The following EXOC4 variants were observed in gnomAD, a reference collection of about 807,000 sequenced individuals.
EXOC4 encodes the protein exocyst complex component 4, also known as SEC8-like 1.
Under a neutral mutation model 107.2 loss-of-function variants are expected in EXOC4, and 71 were observed. That is an observed-to-expected ratio of 0.66 (90% CI 0.55 to 0.81). The LOEUF (loss-of-function observed/expected upper bound fraction) is 0.81, where lower values mean the gene tolerates loss of function less well. Ranked by LOEUF, EXOC4 falls within the 30% of genes least tolerant of loss-of-function variation. The pLI is 0.00. For missense variants in EXOC4, 1,108 were observed against 1,189.6 expected, an observed-to-expected ratio of 0.93 and a Z score of 1.01; for synonymous variants, 456 against 441.2, an observed-to-expected ratio of 1.03 and a Z score of -0.42.
At chr7:134,047,727 GC>G (rs1563103848) in intron 17 of EXOC4, among the ~76,000 whole-genome samples, 1 of 152,118 alleles carries the variant, frequency 6.6e-6, no homozygotes, top group Non-Finnish European at 1.5e-5. Context: ...TTATTTATCT[GC>G]CAAATTAAGG....
At chr7:133,780,129 C>CA (rs1320608649) in intron 10 of EXOC4, among the ~76,000 whole-genome samples, 2 of 151,886 alleles carry the variant, frequency 1.3e-5, no homozygotes, top group Admixed American at 6.6e-5. Context: ...GTCATATTAT[C>CA]AAAAAACTAG....
chr7:133,873,596 C>T (rs1486063478), intron 11 of EXOC4, among the ~76,000 whole-genome samples: 1 of 152,136 alleles, frequency 6.6e-6, no homozygotes, highest in Admixed American at 6.5e-5. Context: ...GTTAAAACGT[C>T]GCCATTATTT....
At chr7:133,761,188 C>A (rs1159441233) in intron 10 of EXOC4, among the ~76,000 whole-genome samples, 1 of 152,048 alleles carries the variant, frequency 6.6e-6, no homozygotes, top group Non-Finnish European at 1.5e-5. Flanking sequence ...AAATTTTGAA[C>A]AAAGCATTGT....
chr7:133,457,848 A>C (rs367661083), intron 7 of EXOC4, among the ~76,000 whole-genome samples: 9 of 152,246 alleles, frequency 5.9e-5, no homozygotes, highest in African/African-American at 2.2e-4. Context: ...TCTGTGGCCA[A>C]ATTTAATCAT....
At chr7:133,855,161 A>ATTT in intron 11 of EXOC4, among the ~76,000 whole-genome samples, 1 of 135,116 alleles carries the variant, frequency 7.4e-6, no homozygotes, top group Admixed American at 7.6e-5. Flanking sequence ...ATATAAATAT[A>ATTT]TATATTTTTT....
At chr7:133,266,210 G>T (rs1335037894) in intron 1 of EXOC4, among the ~76,000 whole-genome samples, 4 of 152,122 alleles carry the variant, frequency 2.6e-5, no homozygotes, top group Non-Finnish European at 5.9e-5. Context: ...GTGTAAATGT[G>T]TGGAGAGGGC....
intron 1 of EXOC4, among the ~76,000 whole-genome samples, chr7:133,271,890 A>G (rs1011977590): frequency 6.6e-6 from 1 of 152,016 alleles, no homozygotes; most frequent in Non-Finnish European, 1.5e-5. Context: ...GACATTAAGG[A>G]GGAATAAGGT....
intron 14 of EXOC4, among the ~76,000 whole-genome samples, chr7:133,969,759 T>C (rs1197521045): frequency 2.0e-5 from 3 of 152,150 alleles, no homozygotes; most frequent in African/African-American, 7.2e-5. Context: ...AGCTCTCCTG[T>C]ATGAGGTGTC....
intron 10 of EXOC4, among the ~76,000 whole-genome samples, chr7:133,702,349 T>TTCCCTCCCCTCCCCTCCCC (rs1794683682): frequency 7.1e-6 from 1 of 140,862 alleles, no homozygotes. Context: ...TTCTCTTCCC[T>TTCCCTCCCCTCCCCTCCCC]TCCCATCTTG....
chr7:133,307,004 A>G (rs1794767336), intron 4 of EXOC4, among the ~76,000 whole-genome samples: 1 of 152,186 alleles, frequency 6.6e-6, no homozygotes, highest in South Asian at 2.1e-4. Flanking sequence ...TGTCCTTCCA[A>G]TATTCCTTTA....
At chr7:133,382,594 A>G (rs1796641834) in intron 7 of EXOC4, among the ~76,000 whole-genome samples, 1 of 152,170 alleles carries the variant, frequency 6.6e-6, no homozygotes, top group Admixed American at 6.5e-5. Context: ...AAATAATTCA[A>G]CAGAATACTA....
intron 10 of EXOC4, among the ~76,000 whole-genome samples, chr7:133,814,523 C>G (rs1020619879): frequency 1.3e-5 from 2 of 152,088 alleles, no homozygotes; most frequent in African/African-American, 4.8e-5. Flanking sequence ...TTAGATATAG[C>G]TCTCAGAAGA....
chr7:133,377,917 G>A (rs1056948844), intron 7 of EXOC4, among the ~76,000 whole-genome samples: 3 of 152,100 alleles, frequency 2.0e-5, no homozygotes, highest in Admixed American at 6.5e-5. Flanking sequence ...TTGTGTTACC[G>A]AAAATATTCT....
chr7:133,532,436 C>T (rs1800198102), intron 9 of EXOC4, among the ~76,000 whole-genome samples: 1 of 152,110 alleles, frequency 6.6e-6, no homozygotes, highest in Non-Finnish European at 1.5e-5. Context: ...AGAGTAACCA[C>T]ACTGATCAAG....
intron 12 of EXOC4, 33 bp from the exon 13 acceptor site, chr7:133,917,550 C>T (rs1476759141): frequency 1.2e-6 from 2 of 1,605,976 alleles, no homozygotes; most frequent in Admixed American, 1.7e-5. Flanking sequence ...AGGCATCATG[C>T]TACAGTGTCT....
chr7:133,431,620 A>G (rs967733450), intron 7 of EXOC4, among the ~76,000 whole-genome samples: 2 of 152,208 alleles, frequency 1.3e-5, no homozygotes, highest in African/African-American at 2.4e-5. Context: ...GCTCTTCCAG[A>G]GTAATATATG....
intron 10 of EXOC4, among the ~76,000 whole-genome samples, chr7:133,814,578 G>A (rs1797319039): frequency 6.6e-6 from 1 of 152,070 alleles, no homozygotes; most frequent in South Asian, 2.1e-4. Flanking sequence ...AATTCATCTG[G>A]CTTTTTGAAT....
At chr7:133,537,692 C>A (rs1800300401) in intron 9 of EXOC4, among the ~76,000 whole-genome samples, 1 of 152,086 alleles carries the variant, frequency 6.6e-6, no homozygotes. Context: ...ATTTTTTTCC[C>A]CCACATTCCT....
chr7:133,475,236 A>G, intron 7 of EXOC4, 92 bp from the exon 8 acceptor site: 1 of 1,125,532 alleles, frequency 8.9e-7, no homozygotes, highest in Non-Finnish European at 1.3e-6. Context: ...TGTTGGTTTT[A>G]GAATTAGATT....
Sources: gnomAD v4.1 joint callset for allele counts (sites outside exome capture counted in the v4.1 genomes callset) on GRCh38, gnomAD v4.1.1 for gene constraint, MANE v1.5 for transcripts, NCBI Gene and HGNC (gene_info 2026-07-23, HGNC 2026-07-21) for gene names.